FABP6: variants seen among roughly 807,000 people sequenced by gnomAD.
FABP6 encodes fatty acid binding protein 6.
FABP6 carries 13 observed loss-of-function variants against 14.9 expected under a neutral mutation model. The observed-to-expected ratio is 0.87, with a 90% CI of 0.57 to 1.39. The LOEUF (loss-of-function observed/expected upper bound fraction) is 1.39, where lower values mean the gene tolerates loss of function less well. Ranked by LOEUF, FABP6 falls within the 40% of genes most tolerant of loss-of-function variation. The pLI, the probability that FABP6 is intolerant of heterozygous loss-of-function variation, is 0.00. For missense variants in FABP6, 161 were observed against 167.2 expected (o/e 0.96, Z 0.20); for synonymous variants, 75 against 63.6 (o/e 1.18, Z -0.85).
At chr5:160,194,268 A>T (rs1475632292) in intron 1 of FABP6, among the ~76,000 whole-genome samples, 4 of 152,162 alleles carry the variant, frequency 2.6e-5, no homozygotes, top group Non-Finnish European at 4.4e-5. Flanking sequence ...ACGCAGCCCC[A>T]GTTCCTGCTC....
intron 1 of FABP6, among the ~76,000 whole-genome samples, chr5:160,230,526 A>G (rs1222187978): frequency 2.6e-5 from 4 of 151,564 alleles, no homozygotes; most frequent in Non-Finnish European, 5.9e-5. Flanking sequence ...ACATCTGGCT[A>G]ATTTTTTGTA....
At chr5:160,220,608 A>T (rs10040036) in intron 3 of FABP6, among the ~76,000 whole-genome samples, 34,318 of 151,368 alleles carry the variant, frequency 0.23, 3,924 homozygotes, top group South Asian at 0.25. Context: ...TAATAATAAT[A>T]ATTATTATTA....
intron 3 of FABP6, among the ~76,000 whole-genome samples, chr5:160,223,363 T>TCCTTCCTTCCTTCCTTCCTTCCC (rs1554113809): frequency 2.8e-4 from 22 of 79,004 alleles, no homozygotes; most frequent in Non-Finnish European, 3.6e-4. Context: ...CCTTCCTTCT[T>TCCTTCCTTCCTTCCTTCCTTCCC]TCCCTCCCTC....
At chr5:160,218,087 G>T (rs1760053974) in intron 3 of FABP6, among the ~76,000 whole-genome samples, 1 of 151,740 alleles carries the variant, frequency 6.6e-6, no homozygotes, top group African/African-American at 2.4e-5. Flanking sequence ...TACGGACACA[G>T]GCCACCATGC....
intron 1 of FABP6, among the ~76,000 whole-genome samples, chr5:160,194,635 C>T (rs938876569): frequency 1.3e-4 from 20 of 152,178 alleles, no homozygotes; most frequent in African/African-American, 3.6e-4. Flanking sequence ...ACACCCTCTG[C>T]GTAGAACACC....
chr5:160,225,345 T>C (rs1470263737), upstream of FABP6, among the ~76,000 whole-genome samples: 6 of 151,854 alleles, frequency 4.0e-5, no homozygotes, highest in Admixed American at 2.6e-4. Flanking sequence ...TCCTCCCACC[T>C]TGGCCTCCCA....
At chr5:160,238,083 C>G (rs1394168994) in intron 3 of FABP6, among the ~76,000 whole-genome samples, 1 of 152,132 alleles carries the variant, frequency 6.6e-6, no homozygotes, top group Non-Finnish European at 1.5e-5. Context: ...GCCTGGGGCA[C>G]CGCACACTGT....
chr5:160,218,958 A>T (rs1289168282), intron 3 of FABP6, among the ~76,000 whole-genome samples: 1 of 152,080 alleles, frequency 6.6e-6, no homozygotes, highest in Non-Finnish European at 1.5e-5. Flanking sequence ...CCAGGGTCTT[A>T]CTATGTAGGC....
intron 2 of FABP6, among the ~76,000 whole-genome samples, chr5:160,234,577 C>G (rs1376692004): frequency 2.0e-5 from 3 of 152,068 alleles, no homozygotes; most frequent in African/African-American, 7.2e-5. Context: ...CAGGCATGAG[C>G]CACCACACCG....
At chr5:160,226,659 G>T (rs1278199070), upstream of FABP6, among the ~76,000 whole-genome samples, 1 of 152,120 alleles carries the variant, frequency 6.6e-6, no homozygotes, top group African/African-American at 2.4e-5. Flanking sequence ...GGCAATAACA[G>T]TACATACTTC....
intron 2 of FABP6, chr5:160,199,209 C>T (rs1329403831): frequency 1.3e-6 from 2 of 1,598,516 alleles, no homozygotes; most frequent in Admixed American, 1.7e-5. Context: ...AAAGGATGAC[C>T]CAGGTCACAG....
At chr5:160,209,743 G>C (rs1449981520) in intron 2 of FABP6, among the ~76,000 whole-genome samples, 2 of 151,928 alleles carry the variant, frequency 1.3e-5, no homozygotes, top group Admixed American at 6.6e-5. Flanking sequence ...AGAGACGGGG[G>C]TCTCACTATG....
chr5:160,230,979 A>G (rs899486029), intron 1 of FABP6, among the ~76,000 whole-genome samples: 3 of 152,234 alleles, frequency 2.0e-5, no homozygotes, highest in East Asian at 1.9e-4. Context: ...TGAGGAACCA[A>G]TGAGACAGTG....
intron 1 of FABP6, among the ~76,000 whole-genome samples, chr5:160,193,439 G>A (rs1580895225): frequency 3.3e-5 from 5 of 152,122 alleles, no homozygotes; most frequent in African/African-American, 1.2e-4. Context: ...GGGGACCCGA[G>A]CGGGTTGCGA....
At chr5:160,208,715 G>A (rs1484774655) in intron 2 of FABP6, among the ~76,000 whole-genome samples, 2 of 152,064 alleles carry the variant, frequency 1.3e-5, no homozygotes, top group South Asian at 4.2e-4. Context: ...ATTGCTTGAG[G>A]CCAGGCATGC....
At chr5:160,206,082 T>C (rs1759758632) in intron 2 of FABP6, among the ~76,000 whole-genome samples, 1 of 152,110 alleles carries the variant, frequency 6.6e-6, no homozygotes, top group South Asian at 2.1e-4. Context: ...TATAAACAAC[T>C]AGAGCCATAT....
At chr5:160,230,503 G>T (rs559202708) in intron 1 of FABP6, among the ~76,000 whole-genome samples, 1 of 152,198 alleles carries the variant, frequency 6.6e-6, no homozygotes, top group South Asian at 2.1e-4. Context: ...TGGAACTACA[G>T]GCATGTGCCA....
chr5:160,235,269 T>C (rs918529), intron 3 of FABP6, among the ~76,000 whole-genome samples: 66,334 of 151,832 alleles, frequency 0.44, 14,664 homozygotes, highest in South Asian at 0.54. Flanking sequence ...ATAAAGGAGG[T>C]GGTCCAGGTG....
chr5:160,228,797 A>G (rs2113135263), upstream of FABP6: 1 of 288,862 alleles, frequency 3.5e-6, no homozygotes, highest in East Asian at 8.0e-5. Context: ...AGCTAAACTC[A>G]TTGTTTCCTT....
Sources: allele counts gnomAD v4.1 joint callset (sites outside exome capture counted in the v4.1 genomes callset), GRCh38; gene constraint gnomAD v4.1.1; transcripts MANE v1.5; gene names NCBI Gene and HGNC (gene_info 2026-07-23, HGNC 2026-07-21).